Variants in NUP210 observed in about 807,000 individuals in gnomAD.
NUP210 encodes the protein nucleoporin 210, also known as nuclear pore membrane glycoprotein 210.
In NUP210, 151 loss-of-function variants were observed where a neutral mutation model predicts 196.0. The ratio of observed to expected loss-of-function variants is 0.77; its 90% confidence interval spans 0.67 to 0.88. The LOEUF (loss-of-function observed/expected upper bound fraction) is 0.88. Among genes scored for constraint, NUP210 ranks in the 40% least tolerant of loss-of-function variants. The pLI, the probability that NUP210 is intolerant of heterozygous loss-of-function variation, is 0.00. For synonymous variants in NUP210, 1,070 were observed against 1,052.7 expected, an observed-to-expected ratio of 1.02 and a Z score of -0.32; for missense variants, 2,314 against 2,493.7, an observed-to-expected ratio of 0.93 and a Z score of 1.53.
rs556811285 is a variant in NUP210, at chr3:13,323,491, G to A, written c.4645-59C>T. 14 of 1,595,034 alleles carry A rather than the reference G, an allele frequency of 8.8e-6. No individual in the cohort carries two copies. The South Asian group carries it at 1.3e-4, about 15-fold the overall frequency. ...CCGCCTGTGTCCCGGTCCATGCTGG[G>A]CGTTTCCACAACCTCACCCTGCAGT... On this transcript the variant is annotated intron_variant, in intron 33 of 39. Transcript: ENST00000254508. This position sits in a 1 kb window ranked among gnomAD's most constrained non-coding sequence, Gnocchi z 4.3.
In NUP210 at chr3:13,410,917, C is replaced by CAAA. The variant is rs35395985; in HGVS notation, c.167+9140_167+9142dup. Among the ~76,000 whole-genome samples, 245 of 77,340 alleles carry CAAA rather than the reference C, an allele frequency of 3.2e-3. 2 individuals carry two copies. Among genetic ancestry groups the CAAA allele is most frequent in the Middle Eastern group, 8.1e-3 (1 of 124 alleles). 50.7% of individuals were successfully genotyped at this position (77,340 alleles called of 152,430 possible). ...TGGGTGACAGAGCAAGACTCTGTCT[C>CAAA]AAAAAAAAAAAAAAAAAAAATTAGC... On this transcript the variant is annotated intron_variant, in intron 1 of 39. Coordinates refer to ENST00000254508, the MANE Select transcript of NUP210 (RefSeq NM_024923.4).
chr3:13,387,781 C>A (rs988727163), intron 5 of NUP210, among the ~76,000 whole-genome samples: 8 of 152,196 alleles, frequency 5.3e-5, no homozygotes, highest in Non-Finnish European at 1.0e-4. Context: ...GGCATACCCC[C>A]ACTACCCTAA....
intron 2 of NUP210, among the ~76,000 whole-genome samples, 187 bp downstream of exon 2, chr3:13,399,538 G>C (rs534980339): frequency 1.3e-5 from 2 of 152,156 alleles, no homozygotes; most frequent in African/African-American, 2.4e-5. Context: ...AACACGGTAC[G>C]AAGTGCTGGC....
At chr3:13,398,610 G>A (rs1699740515) in intron 2 of NUP210, among the ~76,000 whole-genome samples, 1 of 152,102 alleles carries the variant, frequency 6.6e-6, no homozygotes, top group Non-Finnish European at 1.5e-5. Flanking sequence ...ATGCTTATAG[G>A]ACAACCTCCT....
intron 25 of NUP210, 134 bp from the exon 26 acceptor site, chr3:13,338,051 A>C: frequency 3.9e-6 from 3 of 766,696 alleles, no homozygotes; most frequent in Non-Finnish European, 6.3e-6. Flanking sequence ...GACCAGCACC[A>C]TGCTCCTCTG....
chr3:13,322,277 A>C lies in NUP210; in HGVS notation c.4831T>G (p.Cys1611Gly). 4.3e-6 allele frequency: 7 copies of C among 1,614,216 alleles called. No homozygotes were observed. The highest frequency in any genetic ancestry group is 5.9e-6 in the Non-Finnish European group (7 of 1,180,032). ...QALHPETLIS[C>G]QSQFKPAVFD... ...ACGGCCGGCTTGAACTGGGACTGGC[A>C]GCTGATGAGGGTCTCTGGGTGCAAG... Residue 1611 changes from cysteine to glycine, a missense_variant, in exon 35 of 40, where the codon TGC becomes GGC. Physicochemically the swap from Cys to Gly is radical, Grantham distance 159 (BLOSUM62 -3). Coordinates refer to ENST00000254508, the MANE Select transcript of NUP210 (RefSeq NM_024923.4).
chr3:13,419,866 C>A (rs1030611906), intron 1 of NUP210, among the ~76,000 whole-genome samples, 194 bp downstream of exon 1: 11 of 151,724 alleles, frequency 7.3e-5, no homozygotes, highest in African/African-American at 2.7e-4. Flanking sequence ...GGCGCGGAGG[C>A]CCGGACGGCG....
intron 18 of NUP210, among the ~76,000 whole-genome samples, chr3:13,353,282 A>C (rs1416333048): frequency 6.6e-6 from 1 of 152,002 alleles, no homozygotes; most frequent in Non-Finnish European, 1.5e-5. Context: ...TCAAGACCTA[A>C]GTTTCCTTGT....
chr3:13,326,588 G>T (rs770596270), intron 32 of NUP210, among the ~76,000 whole-genome samples: 4 of 152,154 alleles, frequency 2.6e-5, no homozygotes, highest in Non-Finnish European at 5.9e-5. Flanking sequence ...GTAAATAATT[G>T]TACACGTGTT....
chr3:13,375,471 G>A (rs377458041), intron 11 of NUP210, 33 bp downstream of exon 11: 3 of 1,596,392 alleles, frequency 1.9e-6, no homozygotes, highest in South Asian at 2.2e-5. Flanking sequence ...AAACACCAAA[G>A]GAATGCACGC....
rs112614885 is a variant in NUP210 at position 13,340,025 on chromosome 3, G to A, written c.3300C>T (p.Ser1100=). 828 of 1,613,850 alleles carry A rather than the reference G, an allele frequency of 5.1e-4. 3 individuals are homozygous for A. The African/African-American group carries it at 7.7e-3, about 15-fold the overall frequency. Residue 1100 remains serine (S), a synonymous_variant, in exon 25 of 40, where the codon TCC becomes TCT. Transcript: ENST00000254508. The surrounding 1 kb of genome is among the most constrained non-coding windows in gnomAD (Gnocchi z 4.0). The part of the protein sequence containing the change: ...LLIGATMQVT[S]EGGPQPQSNI... The stretch of plus-strand genomic sequence containing the variant: ...TGGACTGAGGCTGGGGGCCGCCCTC[G>A]GAGGTGACCTGAGCGGGGAGGAAAC...
rs1039234729 is a variant in NUP210 at position 13,379,246 on chromosome 3, A to G, written c.977-266T>C. On this transcript the variant is annotated intron_variant, in intron 7 of 39. Transcript: ENST00000254508. The surrounding 1 kb of genome is among the most constrained non-coding windows in gnomAD (Gnocchi z 4.2). ...ACAACAACAAGTCTGGGGCATCAAC[A>G]CTCCATTATGCTAGTATGGAAACAG... Among the ~76,000 whole-genome samples, 17 of 151,834 alleles carry G rather than the reference A, an allele frequency of 1.1e-4. No homozygotes were observed. The highest frequency in any genetic ancestry group is 4.1e-4 in the African/African-American group (17 of 41,278).
At chr3:13,413,723 G>C (rs1372750342) in intron 1 of NUP210, among the ~76,000 whole-genome samples, 1 of 152,216 alleles carries the variant, frequency 6.6e-6, no homozygotes, top group Non-Finnish European at 1.5e-5. Context: ...AATGGGTACA[G>C]AGTGTCCATT....
In NUP210 at chr3:13,375,653, G is replaced by A; in HGVS notation, c.1294-12C>T. On this transcript the variant is annotated splice_polypyrimidine_tract_variant and intron_variant, in intron 10 of 39. Transcript: ENST00000254508. ...TGGACCCCTCCATCCTACAAGGGGT[G>A]AGGGTGCCACACGTAACCATGACAA... The A allele has an allele frequency of 1.2e-6, 2 of 1,611,450 alleles. No homozygotes were observed. The highest frequency in any genetic ancestry group is 2.7e-5 in the African/African-American group (2 of 74,988).
At chr3:13,385,126 G>A (rs1484821541) in intron 6 of NUP210, among the ~76,000 whole-genome samples, 2 of 152,218 alleles carry the variant, frequency 1.3e-5, no homozygotes, top group Admixed American at 6.5e-5. Flanking sequence ...CCTCCTGAGA[G>A]AAAGCGTTCT....
At chr3:13,392,137 G>C (rs1576412987) in intron 3 of NUP210, among the ~76,000 whole-genome samples, 1 of 152,144 alleles carries the variant, frequency 6.6e-6, no homozygotes, top group East Asian at 1.9e-4. Flanking sequence ...CAAGGGATCT[G>C]GGGGCCAAGA....
At chr3:13,410,619 A>G (rs1224358627) in intron 1 of NUP210, among the ~76,000 whole-genome samples, 5 of 141,064 alleles carry the variant, frequency 3.5e-5, no homozygotes, top group South Asian at 2.2e-4. Context: ...CCCCATTTCT[A>G]AAAAAAAAAA....
intron 3 of NUP210, among the ~76,000 whole-genome samples, chr3:13,394,059 C>T (rs944826660): frequency 5.9e-5 from 9 of 152,142 alleles, no homozygotes; most frequent in Non-Finnish European, 1.3e-4. Flanking sequence ...GTCTTGTATC[C>T]CAGGGCAGGG....
At position 13,360,278 on chromosome 3, in the gene NUP210, C is replaced by G. The variant is rs1440125108; in HGVS notation, c.2146G>C (p.Gly716Arg). ...HWILVTCQALGEQVIALSVGN... is the reference protein window; with the variant it reads ...HWILVTCQALREQVIALSVGN... Reference sequence around the variant, plus strand: ...AGCAGCTGCCCACTCACCTGCTCACCCAAGGCCTGACAGGTCACAAGGATC... The same window carrying G: ...AGCAGCTGCCCACTCACCTGCTCACGCAAGGCCTGACAGGTCACAAGGATC... Residue 716 changes from glycine (G) to arginine (R), a missense_variant, in exon 15 of 40, where the codon GGT becomes CGT. Coordinates refer to ENST00000254508, the MANE Select transcript of NUP210 (RefSeq NM_024923.4). 6.2e-7 allele frequency: 1 copy of G among 1,614,116 alleles called. No individual in the cohort carries two copies. The highest frequency in any genetic ancestry group is 2.2e-5 in the East Asian group (1 of 44,878).
Sources: gnomAD v4.1 joint callset for allele counts (sites outside exome capture counted in the v4.1 genomes callset) on GRCh38, gnomAD v4.1.1 for gene constraint, Gnocchi (gnomAD v3.1) non-coding constraint, MANE v1.5 for transcripts, NCBI Gene and HGNC (gene_info 2026-07-23, HGNC 2026-07-21) for gene names.